The following LRP2 variants were observed in gnomAD, a reference collection of about 807,000 sequenced individuals.
LRP2 encodes LDL receptor related protein 2, also known as low-density lipoprotein receptor-related protein 2.
A neutral mutation model predicts 531.0 loss-of-function variants in LRP2; 172 were observed. The ratio of observed to expected loss-of-function variants is 0.32; its 90% CI spans 0.29 to 0.37. The LOEUF (loss-of-function observed/expected upper bound fraction) is 0.37. LRP2 is among the 10% of genes least tolerant of loss of function. The pLI, the probability that LRP2 is intolerant of heterozygous loss-of-function variation, is 1.00. For missense variants in LRP2, 5,167 were observed against 5,868.3 expected, an observed-to-expected ratio of 0.88 and a Z score of 3.90; for synonymous variants, 1,992 against 2,027.6, an observed-to-expected ratio of 0.98 and a Z score of 0.47.
intron 4 of LRP2, among the ~76,000 whole-genome samples, chr2:169,306,643 A>G (rs1051656764): frequency 3.9e-5 from 6 of 152,318 alleles, no homozygotes; most frequent in African/African-American, 1.4e-4. Context: ...CTATCTTCTC[A>G]TATCCTAACA....
intron 10 of LRP2, among the ~76,000 whole-genome samples, chr2:169,281,733 AAAATAAAT>A (rs1201601000): frequency 6.6e-6 from 1 of 151,646 alleles, no homozygotes. Context: ...TAAATAAATA[AAAATAAAT>A]AAATAAATAA....
In LRP2 at chr2:169,289,211, G is replaced by T. The variant is rs553690353; in HGVS notation, c.923-66C>A. ...CTGGACAAGACTGATTAATCTAATA[G>T]CTTCTTTTTCCATGAGTAGCAGCTC... On this transcript the variant is annotated intron_variant, in intron 8 of 78. Coordinates refer to ENST00000649046, the MANE Select transcript of LRP2 (RefSeq NM_004525.3). 17 of 1,597,766 alleles carry T rather than the reference G, an allele frequency of 1.1e-5. No individual in the cohort carries two copies. The South Asian group carries it at 1.9e-4, about 18-fold the overall frequency.
intron 14 of LRP2, among the ~76,000 whole-genome samples, chr2:169,273,684 AGCACT>A (rs1683480515): frequency 6.6e-6 from 1 of 152,198 alleles, no homozygotes; most frequent in Admixed American, 6.5e-5. Flanking sequence ...CCTTAGGAAG[AGCACT>A]GCCACAGCTA....
Position 169,237,295 on chromosome 2 carries a change from CA to C in LRP2, c.4507-9del, listed in dbSNP as rs748808816. On this transcript the variant is annotated splice_polypyrimidine_tract_variant and intron_variant, in intron 27 of 78. Transcript: ENST00000649046. ...GATGCTACTGTCAAATACCTAAAGA[CA>C]AAAGTGAATAAAGAGTGAATTCTAG... 4 of 1,600,814 alleles carry C rather than the reference CA, an allele frequency of 2.5e-6. No homozygotes were observed. Among genetic ancestry groups the C allele is most frequent in the Non-Finnish European group, 3.4e-6 (4 of 1,168,362 alleles).
intron 19 of LRP2, among the ~76,000 whole-genome samples, chr2:169,254,159 G>C (rs1574182255): frequency 3.9e-5 from 1 of 25,618 alleles, no homozygotes; most frequent in African/African-American, 3.0e-4. Context: ...ACCCAAATGA[G>C]TATAAATCAT....
intron 44 of LRP2, among the ~76,000 whole-genome samples, chr2:169,200,122 G>A (rs999939243): frequency 2.0e-5 from 3 of 152,120 alleles, no homozygotes; most frequent in South Asian, 2.1e-4. Context: ...ATGGTGGCGG[G>A]TGCCTGTAGT....
intron 70 of LRP2, among the ~76,000 whole-genome samples, chr2:169,144,643 T>C (rs1185108829): frequency 6.6e-6 from 1 of 152,152 alleles, no homozygotes; most frequent in Non-Finnish European, 1.5e-5. Context: ...GTCTGGAGTA[T>C]TCTGGAGTGT....
intron 1 of LRP2, among the ~76,000 whole-genome samples, chr2:169,354,133 G>A (rs987351255): frequency 6.6e-6 from 1 of 152,182 alleles, no homozygotes; most frequent in African/African-American, 2.4e-5. Flanking sequence ...GTATAAGACA[G>A]AATATTTTTA....
rs534732949 is a variant in LRP2, at chr2:169,279,643, C to T, written c.1342-48G>A. ...TATATTTCTTCAGCATCACTAACTA[C>T]GTGGTTTGTTTTGATTTTTTTTAGC... On this transcript the variant is annotated intron_variant, in intron 11 of 78. Transcript: ENST00000649046. 5.7e-5 allele frequency: 68 copies of T among 1,197,502 alleles called. No individual in the cohort carries two copies. In the South Asian group the frequency reaches 6.3e-4, roughly 11 times the overall value. 74.2% of individuals were successfully genotyped at this position (1,197,502 alleles called of 1,614,324 possible). A position where few individuals can be genotyped will look rare whatever the true frequency, so the allele number is the denominator to read the frequency against.
At chr2:169,352,181 A>G (rs1685868476) in intron 1 of LRP2, among the ~76,000 whole-genome samples, 2 of 152,198 alleles carry the variant, frequency 1.3e-5, no homozygotes. Flanking sequence ...ATTTACCTCA[A>G]TGAATCCAAC....
At chr2:169,243,791 C>T (rs1029480512) in intron 22 of LRP2, among the ~76,000 whole-genome samples, 5 of 152,176 alleles carry the variant, frequency 3.3e-5, no homozygotes, top group African/African-American at 1.2e-4. Context: ...AAGTGAGCAT[C>T]ATGTGCTTGG....
Position 169,259,175 on chromosome 2 carries a change from C to T in LRP2, c.2363G>A (p.Ser788Asn). Residue 788 changes from serine to asparagine, a missense_variant, in exon 17 of 79, where the codon AGT becomes AAT. Transcript: ENST00000649046. Reference sequence around the variant, plus strand: ...CTTTGAAATCCAATCAAAAGCCAAACTTTCAACATTTTCCACCCTGTTAGC... The same window carrying T: ...CTTTGAAATCCAATCAAAAGCCAAATTTTCAACATTTTCCACCCTGTTAGC... ...LAANRVENVE[S>N]LAFDWISKNL... 3 of 1,613,312 alleles carry T rather than the reference C, an allele frequency of 1.9e-6. No homozygotes were observed. Among genetic ancestry groups the T allele is most frequent in the African/African-American group, 1.3e-5 (1 of 74,966 alleles).
chr2:169,235,868 T>C lies in LRP2; in HGVS notation c.4892A>G (p.His1631Arg), dbSNP rs1309942116. Residue 1631 changes from histidine (H) to arginine (R), a missense_variant, in exon 29 of 79, where the codon CAT (histidine) becomes CGT (arginine). His to Arg is a conservative substitution (Grantham distance 29). This residue lies in a region of LRP2 where 2,811 missense variants were observed against 3,058.0 expected (regional missense o/e 0.92). Transcript: ENST00000649046. The stretch of plus-strand genomic sequence containing the variant: ...ATCACTGGCTATCACCTGTCTCCGA[T>C]GGTGTCCATTATAATCACAAAAGTC... ...YMDFCDYNGH[H>R]RRQVIASDLI... The C allele has an allele frequency of 6.2e-6, 10 of 1,614,054 alleles. No homozygotes were observed. The African/African-American group carries it at 8.0e-5, about 13-fold the overall frequency.
In LRP2 at chr2:169,246,833, G is replaced by A. The variant is rs188493297; in HGVS notation, c.3062C>T (p.Pro1021Leu). ...AAATAAGCCACACTGCTCTGTGGGT[G>A]GTTCATTGGTTGGGTCCCCCTCGCA... ...LTCEGDPTNE[P>L]PTEQCGLFSF... The change falls in exon 21 of 79, where the codon CCA (proline) becomes CTA (leucine). Residue 1021 changes from proline (P) to leucine (L), a missense_variant. Pro to Leu is a moderately conservative substitution (Grantham distance 98). Transcript: ENST00000649046. 1.2e-6 allele frequency: 2 copies of A among 1,614,138 alleles called. No homozygotes were observed. The highest frequency in any genetic ancestry group is 4.5e-5 in the East Asian group (2 of 44,868).
At chr2:169,270,858 G>A (rs957468322) in intron 16 of LRP2, 46 bp downstream of exon 16, 14 of 1,458,140 alleles carry the variant, frequency 9.6e-6, no homozygotes, top group East Asian at 4.6e-5. Context: ...CAATAAACAG[G>A]CAAAACACGC....
At chr2:169,332,438 G>C (rs1685292276) in intron 1 of LRP2, among the ~76,000 whole-genome samples, 1 of 152,140 alleles carries the variant, frequency 6.6e-6, no homozygotes. Context: ...AGGGCAGAAA[G>C]GAGAGATGTC....
Position 169,271,091 on chromosome 2 carries a change from G to A in LRP2, c.2133C>T (p.Leu711=), listed in dbSNP as rs1333983104. The change falls in exon 16 of 79, where the codon CTC becomes CTT. Residue 711 remains leucine (L), a synonymous_variant. Transcript: ENST00000649046. The part of the protein sequence containing the change: ...ERHCIAVQNF[L]IFSSQVAIRG... The stretch of plus-strand genomic sequence containing the variant: ...GAATAGCAACTTGGGATGAAAAAAT[G>A]AGGAAATTCTGAACAGCTGTAGGAA... 12 of 1,612,530 alleles carry A rather than the reference G, an allele frequency of 7.4e-6. No homozygotes were observed. Among genetic ancestry groups the A allele is most frequent in the African/African-American group, 5.3e-5 (4 of 74,810 alleles).
Position 169,269,447 on chromosome 2 carries a change from T to C in LRP2, c.2320+1457A>G, listed in dbSNP as rs202223452. Among the ~76,000 whole-genome samples, 5 of 152,050 alleles carry C rather than the reference T, an allele frequency of 3.3e-5. No homozygotes were observed. The East Asian group carries it at 7.8e-4, about 24-fold the overall frequency. ...CAGAATAGAGTCCTCAGAAATGATA[T>C]CACACATCTACAACCATCTGATCTT... is the stretch of plus-strand genomic sequence containing the variant. On this transcript the variant is annotated intron_variant, in intron 16 of 78. Coordinates refer to ENST00000649046, the MANE Select transcript of LRP2 (RefSeq NM_004525.3).
intron 47 of LRP2, among the ~76,000 whole-genome samples, chr2:169,192,726 C>A (rs1481396738): frequency 6.6e-6 from 1 of 152,106 alleles, no homozygotes; most frequent in African/African-American, 2.4e-5. Flanking sequence ...AGACTCATTG[C>A]AGGTGAATAG....
Sources: allele counts gnomAD v4.1 joint callset (sites outside exome capture counted in the v4.1 genomes callset), GRCh38; gene constraint gnomAD v4.1.1; regional missense constraint gnomAD v4.1.1; transcripts MANE v1.5; gene names NCBI Gene and HGNC (gene_info 2026-07-23, HGNC 2026-07-21).